The following CTNNA3 variants were observed in gnomAD, a reference collection of about 807,000 sequenced individuals.
CTNNA3 encodes catenin alpha-3.
In CTNNA3, 76 loss-of-function variants were observed where a neutral mutation model predicts 95.7. The ratio of observed to expected loss-of-function variants is 0.79; its 90% CI spans 0.66 to 0.96. CTNNA3 has a LOEUF of 0.96. Ranked by LOEUF, CTNNA3 falls within the 40% of genes least tolerant of loss-of-function variation. CTNNA3 has a pLI of 0.00. For synonymous variants in CTNNA3, 431 were observed against 374.4 expected, an observed-to-expected ratio of 1.15 and a Z score of -1.74; for missense variants, 1,191 against 1,089.8, an observed-to-expected ratio of 1.09 and a Z score of -1.31.
chr10:66,702,926 A>C (rs1848002040), intron 9 of CTNNA3, among the ~76,000 whole-genome samples: 1 of 152,104 alleles, frequency 6.6e-6, no homozygotes, highest in Admixed American at 6.6e-5. Context: ...ATGTCATTTT[A>C]ATCATCACTA....
intron 10 of CTNNA3, among the ~76,000 whole-genome samples, chr10:66,595,981 T>C (rs760865561): frequency 6.6e-6 from 1 of 151,956 alleles, no homozygotes; most frequent in Non-Finnish European, 1.5e-5. Context: ...GACTCATTTT[T>C]CAAGTGCAGC....
chr10:67,523,161 T>C (rs1840035296), intron 4 of CTNNA3, among the ~76,000 whole-genome samples: 1 of 152,046 alleles, frequency 6.6e-6, no homozygotes, highest in Non-Finnish European at 1.5e-5. Context: ...GGAAAAGAAA[T>C]GGGAAATAAC....
intron 9 of CTNNA3, among the ~76,000 whole-genome samples, chr10:66,698,038 C>T (rs919536084): frequency 2.0e-5 from 3 of 152,220 alleles, no homozygotes; most frequent in Non-Finnish European, 4.4e-5. Flanking sequence ...AATCTGAAAA[C>T]GGAATATTTC....
intron 7 of CTNNA3, among the ~76,000 whole-genome samples, chr10:67,161,244 A>G (rs1361334843): frequency 6.6e-6 from 1 of 152,112 alleles, no homozygotes; most frequent in Non-Finnish European, 1.5e-5. Flanking sequence ...GAAGATCAAG[A>G]GAGAAGAAAT....
intron 1 of CTNNA3, among the ~76,000 whole-genome samples, chr10:67,726,601 C>CATATTATATAATATATAATAT (rs1339771150): frequency 8.9e-5 from 2 of 22,398 alleles, no homozygotes; most frequent in African/African-American, 3.4e-4. Context: ...TATTATATTA[C>CATATTATATAATATATAATAT]ATATTATATA....
chr10:67,382,487 G>A (rs1425029541), intron 5 of CTNNA3, among the ~76,000 whole-genome samples: 1 of 152,038 alleles, frequency 6.6e-6, no homozygotes, highest in African/African-American at 2.4e-5. Context: ...AATTATATTA[G>A]AAAAATATAA....
At chr10:66,426,051 T>C (rs886844125) in intron 11 of CTNNA3, among the ~76,000 whole-genome samples, 3 of 152,176 alleles carry the variant, frequency 2.0e-5, no homozygotes, top group Non-Finnish European at 4.4e-5. Flanking sequence ...ATTTGTATCA[T>C]ATGACTGTTT....
chr10:67,187,156 G>T (rs1220258351), intron 6 of CTNNA3, among the ~76,000 whole-genome samples: 1 of 151,950 alleles, frequency 6.6e-6, no homozygotes, highest in Non-Finnish European at 1.5e-5. Context: ...AGTAGCAGAG[G>T]GAAGAGTCTG....
At chr10:65,988,836 G>C (rs1286408729) in intron 15 of CTNNA3, 39 bp from the exon 16 acceptor site, 1 of 1,430,296 alleles carries the variant, frequency 7.0e-7, no homozygotes, top group Non-Finnish European at 9.8e-7. Flanking sequence ...TGGTGTTCAT[G>C]AGAAAATATA....
At chr10:66,362,453 G>A (rs1179932921) in intron 12 of CTNNA3, among the ~76,000 whole-genome samples, 2 of 151,126 alleles carry the variant, frequency 1.3e-5, no homozygotes, top group Non-Finnish European at 2.9e-5. Flanking sequence ...GCGCATGCCT[G>A]TAATCCCAGC....
chr10:66,625,157 G>A lies in CTNNA3; in HGVS notation c.1282-3373C>T, dbSNP rs1490440354. The stretch of plus-strand genomic sequence containing the variant: ...GGATATGTGTCTTGTTATGAGAGGA[G>A]AGTGAAGTTTTTTATTAGCATCCCT... On this transcript the variant is annotated intron_variant, in intron 9 of 17. Transcript: ENST00000433211. Among the ~76,000 whole-genome samples, 3 of 152,138 alleles carry A rather than the reference G, an allele frequency of 2.0e-5. No homozygotes were observed. In the East Asian group the frequency reaches 5.8e-4, roughly 29 times the overall value.
At chr10:66,204,997 A>C (rs2087670281) in intron 13 of CTNNA3, among the ~76,000 whole-genome samples, 1 of 152,174 alleles carries the variant, frequency 6.6e-6, no homozygotes, top group South Asian at 2.1e-4. Flanking sequence ...GAAAGTAATA[A>C]ATTTTGAGAT....
Position 66,360,779 on chromosome 10 carries a change from T to TCC in CTNNA3, c.1732+18372_1732+18373insGG, listed in dbSNP as rs1302355403. On this transcript the variant is annotated intron_variant, in intron 12 of 17. Coordinates refer to ENST00000433211, the MANE Select transcript of CTNNA3 (RefSeq NM_013266.4). ...TCCTTCCTTCCTTCCTTTTCTTTCT[T>TCC]TCTTTCTTCCTTCCTTCCTTCCTTC... 1.4e-3 allele frequency among the ~76,000 whole-genome samples: 83 copies of TCC among 58,508 alleles called. 11 individuals are homozygous for TCC. Among genetic ancestry groups the TCC allele is most frequent in the Middle Eastern group, 0.019 (2 of 106 alleles). The allele number at this position is 58,508 out of a possible 152,430, so 38.4% of individuals were successfully genotyped here.
At chr10:66,585,198 C>A (rs1294590560) in intron 10 of CTNNA3, among the ~76,000 whole-genome samples, 1 of 151,880 alleles carries the variant, frequency 6.6e-6, no homozygotes, top group Non-Finnish European at 1.5e-5. Context: ...CTCAGGAGTT[C>A]TTTGACCTTC....
chr10:66,530,905 C>T (rs575830665), intron 10 of CTNNA3, among the ~76,000 whole-genome samples: 47 of 152,170 alleles, frequency 3.1e-4, no homozygotes, highest in African/African-American at 1.1e-3. Context: ...GAGGATAGAG[C>T]TTTCTGTGAA....
chr10:66,309,928 A>G (rs2091991528), intron 12 of CTNNA3, among the ~76,000 whole-genome samples: 2 of 144,856 alleles, frequency 1.4e-5, no homozygotes, highest in Non-Finnish European at 3.0e-5. Flanking sequence ...TAAATAAATA[A>G]ATAAATAAAT....
At chr10:67,164,297 G>C (rs755492509) in intron 7 of CTNNA3, among the ~76,000 whole-genome samples, 9 of 152,076 alleles carry the variant, frequency 5.9e-5, no homozygotes, top group Admixed American at 2.0e-4. Flanking sequence ...CATGAAACTA[G>C]AAATAGCCAT....
At chr10:65,955,080 A>C (rs376489989) in intron 17 of CTNNA3, among the ~76,000 whole-genome samples, 38 of 152,004 alleles carry the variant, frequency 2.5e-4, no homozygotes, top group African/African-American at 8.7e-4. Flanking sequence ...TGGTTTGTAG[A>C]TCTCCTTGAA....
intron 13 of CTNNA3, among the ~76,000 whole-genome samples, chr10:66,262,400 C>G (rs2091032626): frequency 6.6e-6 from 1 of 151,706 alleles, no homozygotes; most frequent in Non-Finnish European, 1.5e-5. Context: ...TTGTCTTTCC[C>G]CTTTATTCTT....
Sources: allele counts gnomAD v4.1 joint callset (sites outside exome capture counted in the v4.1 genomes callset), GRCh38; gene constraint gnomAD v4.1.1; transcripts MANE v1.5; gene names NCBI Gene and HGNC (gene_info 2026-07-23, HGNC 2026-07-21).